The following AUTS2 variants were observed in gnomAD, a reference collection of about 807,000 sequenced individuals.
AUTS2 encodes autism susceptibility gene 2 protein.
A neutral mutation model predicts 112.4 loss-of-function variants in AUTS2; 17 were observed. The observed-to-expected ratio is 0.15, with a 90% confidence interval of 0.10 to 0.23. AUTS2 has a LOEUF of 0.23. Ranked by LOEUF, AUTS2 falls within the 10% of genes least tolerant of loss-of-function variation. AUTS2 has a pLI of 1.00. For synonymous variants in AUTS2, 751 were observed against 702.7 expected, an observed-to-expected ratio of 1.07 and a Z score of -1.09; for missense variants, 1,510 against 1,701.6, an observed-to-expected ratio of 0.89 and a Z score of 1.98.
intron 1 of AUTS2, among the ~76,000 whole-genome samples, chr7:69,613,384 CAATA>C (rs1793146686): frequency 6.6e-6 from 1 of 152,228 alleles, no homozygotes; most frequent in African/African-American, 2.4e-5. Context: ...GCCACTCATA[CAATA>C]TATCTGTAAC....
chr7:69,692,199 G>T (rs531080136), intron 1 of AUTS2, among the ~76,000 whole-genome samples: 1 of 152,188 alleles, frequency 6.6e-6, no homozygotes, highest in African/African-American at 2.4e-5. Flanking sequence ...TTCCAAGTCT[G>T]TAGAGATAAT....
chr7:70,619,008 G>T (rs886108603), intron 5 of AUTS2, among the ~76,000 whole-genome samples: 2 of 152,102 alleles, frequency 1.3e-5, no homozygotes, highest in African/African-American at 4.8e-5. Flanking sequence ...ATACGTATGT[G>T]CCTAAGGATG....
intron 4 of AUTS2, among the ~76,000 whole-genome samples, chr7:70,298,012 T>C (rs567304240): frequency 1.3e-5 from 2 of 151,926 alleles, no homozygotes; most frequent in Non-Finnish European, 2.9e-5. Flanking sequence ...AAAGCCTCTT[T>C]TTTTGGTTTT....
At chr7:70,054,771 C>G (rs995860158) in intron 2 of AUTS2, among the ~76,000 whole-genome samples, 7 of 152,088 alleles carry the variant, frequency 4.6e-5, no homozygotes, top group South Asian at 2.1e-4. Context: ...GAACTATTGA[C>G]TAATAGTAAT....
chr7:69,999,252 T>G (rs1799080381), intron 2 of AUTS2, among the ~76,000 whole-genome samples: 1 of 152,164 alleles, frequency 6.6e-6, no homozygotes, highest in South Asian at 2.1e-4. Context: ...TCACACTGAT[T>G]GCTAGGTGTA....
At chr7:69,807,154 A>G (rs1037042749) in intron 1 of AUTS2, among the ~76,000 whole-genome samples, 1 of 152,172 alleles carries the variant, frequency 6.6e-6, no homozygotes, top group African/African-American at 2.4e-5. Context: ...GATGAGCACA[A>G]TCTAATTTTG....
chr7:70,438,038 G>A (rs185584319), intron 5 of AUTS2, among the ~76,000 whole-genome samples: 1 of 152,080 alleles, frequency 6.6e-6, no homozygotes. Context: ...TGACCTTGGA[G>A]CCTTTGGGGC....
intron 4 of AUTS2, among the ~76,000 whole-genome samples, chr7:70,242,730 T>A (rs1379092225): frequency 6.6e-6 from 1 of 152,150 alleles, no homozygotes; most frequent in Admixed American, 6.6e-5. Flanking sequence ...CCACTGTGTG[T>A]GCACGTGCGC....
At chr7:70,754,806 A>G (rs1006654180) in intron 6 of AUTS2, among the ~76,000 whole-genome samples, 3 of 152,194 alleles carry the variant, frequency 2.0e-5, no homozygotes, top group East Asian at 1.9e-4. Context: ...GGATGAATGG[A>G]TGATGCATGG....
At chr7:69,817,964 T>A (rs1562903925) in intron 1 of AUTS2, among the ~76,000 whole-genome samples, 1 of 152,256 alleles carries the variant, frequency 6.6e-6, no homozygotes, top group Non-Finnish European at 1.5e-5. Flanking sequence ...TGAGTGGGTC[T>A]GTGAGCTGCA....
chr7:70,028,327 C>A (rs1211115607), intron 2 of AUTS2, among the ~76,000 whole-genome samples: 1 of 152,192 alleles, frequency 6.6e-6, no homozygotes. Context: ...TTTCATAATG[C>A]AGATTTCTGA....
chr7:70,554,005 CAT>C (rs1168091224), intron 5 of AUTS2, among the ~76,000 whole-genome samples: 14 of 149,808 alleles, frequency 9.3e-5, no homozygotes, highest in Non-Finnish European at 1.3e-4. Flanking sequence ...CTCCTGACCT[CAT>C]GATCCACCCA....
intron 1 of AUTS2, among the ~76,000 whole-genome samples, chr7:69,701,862 G>C (rs1223915816): frequency 1.3e-5 from 2 of 152,130 alleles, no homozygotes; most frequent in Non-Finnish European, 2.9e-5. Flanking sequence ...TTTGAGTCCA[G>C]GTCTCCTGAC....
At chr7:70,512,235 C>T (rs180684050) in intron 5 of AUTS2, among the ~76,000 whole-genome samples, 3 of 152,286 alleles carry the variant, frequency 2.0e-5, no homozygotes, top group Non-Finnish European at 2.9e-5. Flanking sequence ...ATCCAGATGG[C>T]GCACATATCC....
At chr7:69,889,996 AGAATGT>A in intron 1 of AUTS2, among the ~76,000 whole-genome samples, 1 of 152,068 alleles carries the variant, frequency 6.6e-6, no homozygotes, top group African/African-American at 2.4e-5. Context: ...CTCAGCTTTC[AGAATGT>A]TGTTGTTACG....
intron 2 of AUTS2, among the ~76,000 whole-genome samples, chr7:70,001,890 A>AC (rs2129552817): frequency 6.6e-6 from 1 of 151,672 alleles, no homozygotes; most frequent in South Asian, 2.1e-4. Flanking sequence ...TTTGTATTTC[A>AC]AGTACAGATG....
At chr7:70,497,825 CAG>C (rs1353249439) in intron 5 of AUTS2, among the ~76,000 whole-genome samples, 2 of 152,166 alleles carry the variant, frequency 1.3e-5, no homozygotes, top group Non-Finnish European at 2.9e-5. Flanking sequence ...CTTCCTGGGA[CAG>C]GGTCTCAGAC....
intron 1 of AUTS2, among the ~76,000 whole-genome samples, chr7:69,835,660 G>A (rs1448498801): frequency 6.6e-6 from 1 of 152,156 alleles, no homozygotes; most frequent in Non-Finnish European, 1.5e-5. Flanking sequence ...TGCCATAGAG[G>A]AAGAATAATT....
chr7:69,599,727 G>T lies in AUTS2; in HGVS notation c.74G>T (p.Arg25Leu). Reference sequence around the variant, plus strand: ...CGGTCGCAGCGAGACCGGGAGAGGCGCTCCCGGGGCGGGCTGGGGGCCGGC... The same window carrying T: ...CGGTCGCAGCGAGACCGGGAGAGGCTCTCCCGGGGCGGGCTGGGGGCCGGC... The part of the protein sequence containing the change: ...RSRSQRDRER[R>L]SRGGLGAGAA... Residue 25 changes from arginine (R) to leucine (L), a missense_variant, in exon 1 of 19, where the codon CGC (arginine) becomes CTC (leucine). Physicochemically the swap from Arg to Leu is moderately radical, Grantham distance 102. This residue lies in a region of AUTS2 where 535 missense variants were observed against 594.3 expected (regional missense o/e 0.90). Transcript: ENST00000342771. The surrounding 1 kb of genome is among the most constrained non-coding windows in gnomAD (Gnocchi z 7.0). 7.6e-7 allele frequency: 1 copy of T among 1,323,088 alleles called. No individual in the cohort carries two copies. 82.0% of individuals were successfully genotyped at this position (1,323,088 alleles called of 1,614,324 possible).
Sources: allele counts gnomAD v4.1 joint callset (sites outside exome capture counted in the v4.1 genomes callset), GRCh38; gene constraint gnomAD v4.1.1; regional missense constraint gnomAD v4.1.1; non-coding constraint Gnocchi (gnomAD v3.1); transcripts MANE v1.5; gene names NCBI Gene and HGNC (gene_info 2026-07-23, HGNC 2026-07-21).